ASF1A: variants seen among roughly 807,000 people sequenced by gnomAD.
ASF1A encodes anti-silencing function 1A histone chaperone, also known as histone chaperone ASF1A.
Under a neutral mutation model 22.0 loss-of-function variants are expected in ASF1A, and 5 were observed. That is an observed-to-expected ratio of 0.23 (90% CI 0.12 to 0.48). The LOEUF (loss-of-function observed/expected upper bound fraction) is 0.48, where lower values mean the gene tolerates loss of function less well. Among genes scored for constraint, ASF1A ranks in the 20% least tolerant of loss-of-function variants. The probability of loss-of-function intolerance (pLI) is 0.99; values close to 1 mark genes in which losing one functional copy is unlikely to be tolerated. For synonymous variants in ASF1A, 97 were observed against 86.7 expected (o/e 1.12, Z -0.66); for missense variants, 137 against 240.6 (o/e 0.57, Z 2.85).
At chr6:118,900,361 T>C (rs1025580404) in intron 1 of ASF1A, among the ~76,000 whole-genome samples, 1 of 151,976 alleles carries the variant, frequency 6.6e-6, no homozygotes, top group Non-Finnish European at 1.5e-5. Context: ...AAAGATGATA[T>C]ACAAAAAAAG....
At chr6:118,896,044 T>G (rs1167974825) in intron 1 of ASF1A, among the ~76,000 whole-genome samples, 1 of 139,834 alleles carries the variant, frequency 7.2e-6, no homozygotes, top group South Asian at 2.1e-4. Context: ...TGCCCCCGTT[T>G]TTTTTTTTTT....
chr6:118,905,494 A>G (rs1419237414), intron 2 of ASF1A, among the ~76,000 whole-genome samples, 158 bp from the exon 3 acceptor site: 1 of 152,224 alleles, frequency 6.6e-6, no homozygotes, highest in Non-Finnish European at 1.5e-5. Context: ...AGCTTATTAT[A>G]AGTCAGTCAG....
chr6:118,906,469 T>G (rs141909557), intron 3 of ASF1A, among the ~76,000 whole-genome samples: 53 of 152,334 alleles, frequency 3.5e-4, no homozygotes, highest in Admixed American at 3.1e-3. Context: ...TTTCAACCTT[T>G]AGGACAAACA....
At chr6:118,895,631 T>G (rs1434739597) in intron 1 of ASF1A, among the ~76,000 whole-genome samples, 4 of 152,126 alleles carry the variant, frequency 2.6e-5, no homozygotes, top group Non-Finnish European at 5.9e-5. Flanking sequence ...AAATACGTAT[T>G]TTTAATATCT....
At chr6:118,904,632 T>C (rs1031734847) in intron 2 of ASF1A, among the ~76,000 whole-genome samples, 2 of 152,240 alleles carry the variant, frequency 1.3e-5, no homozygotes, top group Non-Finnish European at 2.9e-5. Flanking sequence ...CTTTCTGCAT[T>C]CCTCAAGGTT....
chr6:118,907,497 T>A lies in ASF1A; in HGVS notation c.498T>A (p.Ser166Arg). ...AAAAACTGGAAGATGCAGAGAGCAG[T>A]AATCCAAATCTACAGTCACTTCTTT... ...NTEKLEDAES[S>R]NPNLQSLLST... The change falls in exon 4 of 4, where the codon AGT becomes AGA. Residue 166 changes from serine to arginine, a missense_variant. Ser to Arg is a moderately radical substitution (Grantham distance 110, BLOSUM62 -1). Transcript: ENST00000229595. The A allele has an allele frequency of 1.2e-6, 2 of 1,613,624 alleles. No homozygotes were observed. Among genetic ancestry groups the A allele is most frequent in the Non-Finnish European group, 8.5e-7 (1 of 1,179,682 alleles).
In ASF1A at chr6:118,901,513, G is replaced by T. The variant is rs1021463371; in HGVS notation, c.225+632G>T. Among the ~76,000 whole-genome samples, 3 of 152,152 alleles carry T rather than the reference G, an allele frequency of 2.0e-5. 1 individual carries two copies. The highest frequency in any genetic ancestry group is 2.0e-4 in the Admixed American group (3 of 15,274). On this transcript the variant is annotated intron_variant, in intron 2 of 3. Transcript: ENST00000229595. The stretch of plus-strand genomic sequence containing the variant: ...CTACCCCACTAGGTATTTGTGAAGA[G>T]AATTTCTAGTAATAAAAATTTTGTT...
intron 1 of ASF1A, among the ~76,000 whole-genome samples, chr6:118,896,473 G>T (rs1779424566): frequency 6.6e-6 from 1 of 152,078 alleles, no homozygotes; most frequent in Non-Finnish European, 1.5e-5. Flanking sequence ...CTTTTACATT[G>T]CATAGATGAA....
chr6:118,897,264 C>G (rs1263487552), intron 1 of ASF1A, among the ~76,000 whole-genome samples: 3 of 152,088 alleles, frequency 2.0e-5, no homozygotes, highest in Non-Finnish European at 2.9e-5. Context: ...CCTTTAAGAG[C>G]TGCCCTGTAG....
chr6:118,894,517 C>T lies in ASF1A; in HGVS notation c.104C>T (p.Ser35Phe). The change falls in exon 1 of 4, where the codon TCT becomes TTT. Residue 35 changes from serine (S) to phenylalanine (F), a missense_variant. Around this residue, in one of 2 missense-constraint regions of ASF1A, gnomAD observed 96 missense variants for 196.7 expected, o/e 0.49. Coordinates refer to ENST00000229595, the MANE Select transcript of ASF1A (RefSeq NM_014034.3). ...ACCTTCGAGTGCATCGAGGACCTGTCTGAAGGTGAGTGCGGCGCCCGTGCG... is the reference window on the plus strand; with the variant it reads ...ACCTTCGAGTGCATCGAGGACCTGTTTGAAGGTGAGTGCGGCGCCCGTGCG... Reference protein sequence around the residue: ...EITFECIEDLSEDLEWKIIYV... With the variant: ...EITFECIEDLFEDLEWKIIYV... The T allele has an allele frequency of 1.3e-6, 2 of 1,536,938 alleles. No individual in the cohort carries two copies. The highest frequency in any genetic ancestry group is 1.7e-6 in the Non-Finnish European group (2 of 1,146,618).
At chr6:118,894,968 G>C (rs929203275) in intron 1 of ASF1A, among the ~76,000 whole-genome samples, 2 of 152,126 alleles carry the variant, frequency 1.3e-5, no homozygotes. Flanking sequence ...ACCCCGAGTC[G>C]AGAATTGGGC....
At chr6:118,899,149 T>G (rs1372791285) in intron 1 of ASF1A, among the ~76,000 whole-genome samples, 1 of 152,166 alleles carries the variant, frequency 6.6e-6, no homozygotes, top group Non-Finnish European at 1.5e-5. Flanking sequence ...TTGCCTCAAT[T>G]ATTGAAATAT....
intron 1 of ASF1A, 55 bp from the exon 2 acceptor site, chr6:118,900,711 C>A: frequency 7.9e-7 from 1 of 1,261,334 alleles, no homozygotes; most frequent in Non-Finnish European, 1.2e-6. Context: ...TCTTTGATGT[C>A]ATCTGGTAAT....
rs190846731 is a variant in ASF1A, at chr6:118,899,307, G to A, written c.110-1459G>A. Among the ~76,000 whole-genome samples, 625 of 152,316 alleles carry A rather than the reference G, an allele frequency of 4.1e-3. 4 individuals carry two copies. The highest frequency in any genetic ancestry group is 6.9e-3 in the Non-Finnish European group (470 of 68,032). On this transcript the variant is annotated intron_variant, in intron 1 of 3. Transcript: ENST00000229595. ...GCAGTGTGAAAGCCAGAGTCCTTATGATGGCCTTCAAAACCGCATGATCTG... is the reference window on the plus strand; with the variant it reads ...GCAGTGTGAAAGCCAGAGTCCTTATAATGGCCTTCAAAACCGCATGATCTG...
chr6:118,907,729 C>A lies in ASF1A; in HGVS notation c.*115C>A. Reference sequence around the variant, plus strand: ...ATGTGAAGAATTTGTTTAAAAACATCCTGTAGAAAGTTTATAAGAAAACCA... The same window carrying A: ...ATGTGAAGAATTTGTTTAAAAACATACTGTAGAAAGTTTATAAGAAAACCA... On this transcript the variant is annotated 3_prime_UTR_variant, in exon 4 of 4. Transcript: ENST00000229595. 3.9e-6 allele frequency: 3 copies of A among 772,758 alleles called. No homozygotes were observed. The highest frequency in any genetic ancestry group is 6.1e-6 in the Non-Finnish European group (3 of 490,336). The allele number at this position is 772,758 out of a possible 1,614,324, so 47.9% of individuals were successfully genotyped here. A position where few individuals can be genotyped will look rare whatever the true frequency, so the allele number is the denominator to read the frequency against.
chr6:118,903,784 G>A (rs752522231), intron 2 of ASF1A, among the ~76,000 whole-genome samples: 6 of 152,112 alleles, frequency 3.9e-5, no homozygotes, highest in Non-Finnish European at 7.4e-5. Context: ...ATGGGGTTTC[G>A]CCATGTGGCC....
At chr6:118,902,156 TGG>T (rs1779836001) in intron 2 of ASF1A, among the ~76,000 whole-genome samples, 1 of 152,192 alleles carries the variant, frequency 6.6e-6, no homozygotes, top group African/African-American at 2.4e-5. Context: ...GTAAAAGACA[TGG>T]GTAACAGAAT....
chr6:118,905,674 T>G lies in ASF1A; in HGVS notation c.248T>G (p.Leu83Arg). 6.2e-7 allele frequency: 1 copy of G among 1,612,948 alleles called. No homozygotes were observed. Among genetic ancestry groups the G allele is most frequent in the Non-Finnish European group, 8.5e-7 (1 of 1,179,346 alleles). ...VFQADAPNPG[L>R]IPDADAVGVT... Reference sequence around the variant, plus strand: ...TAGGCTGATGCACCTAATCCAGGACTCATTCCAGATGCAGATGCAGTAGGC... The same window carrying G: ...TAGGCTGATGCACCTAATCCAGGACGCATTCCAGATGCAGATGCAGTAGGC... Residue 83 changes from leucine (L) to arginine (R), a missense_variant, in exon 3 of 4, where the codon CTC becomes CGC. Coordinates refer to ENST00000229595, the MANE Select transcript of ASF1A (RefSeq NM_014034.3).
intron 2 of ASF1A, among the ~76,000 whole-genome samples, chr6:118,901,220 A>G (rs551239759): frequency 1.8e-4 from 27 of 152,348 alleles, no homozygotes; most frequent in Middle Eastern, 3.4e-3. Context: ...GTGGCTGTCT[A>G]GCAACCCAAA....
Sources: gnomAD v4.1 joint callset for allele counts (sites outside exome capture counted in the v4.1 genomes callset) on GRCh38, gnomAD v4.1.1 for gene constraint, gnomAD v4.1.1 regional missense constraint, MANE v1.5 for transcripts, NCBI Gene and HGNC (gene_info 2026-07-23, HGNC 2026-07-21) for gene names.